PTPN12: variants seen among roughly 807,000 people sequenced by gnomAD.
The protein encoded by PTPN12 is tyrosine-protein phosphatase non-receptor type 12.
PTPN12 carries 29 observed loss-of-function variants against 97.6 expected under a neutral mutation model. The observed-to-expected ratio is 0.30, with a 90% CI of 0.22 to 0.41. The LOEUF (loss-of-function observed/expected upper bound fraction) is 0.41, where lower values mean the gene tolerates loss of function less well. Among genes scored for constraint, PTPN12 ranks in the 10% least tolerant of loss-of-function variants. The probability of loss-of-function intolerance (pLI) is 1.00; values close to 1 mark genes in which losing one functional copy is unlikely to be tolerated. For missense variants in PTPN12, 819 were observed against 926.0 expected (o/e 0.88, Z 1.50); for synonymous variants, 327 against 300.4 (o/e 1.09, Z -0.91).
intron 3 of PTPN12, among the ~76,000 whole-genome samples, chr7:77,581,821 C>T (rs780169078): frequency 3.3e-5 from 5 of 152,260 alleles, no homozygotes; most frequent in South Asian, 4.1e-4. Context: ...CATCAATCCC[C>T]GTTGTTGACC....
intron 13 of PTPN12, among the ~76,000 whole-genome samples, chr7:77,631,796 T>C (rs1286114667): frequency 2.0e-5 from 3 of 152,246 alleles, no homozygotes; most frequent in Admixed American, 6.5e-5. Flanking sequence ...TATCTTTATC[T>C]GTTTTGGAAA....
At chr7:77,550,004 C>A (rs1442141387) in intron 1 of PTPN12, among the ~76,000 whole-genome samples, 1 of 152,146 alleles carries the variant, frequency 6.6e-6, no homozygotes, top group Non-Finnish European at 1.5e-5. Flanking sequence ...TAAAATTATC[C>A]TAACTATAGT....
intron 1 of PTPN12, among the ~76,000 whole-genome samples, chr7:77,559,735 A>G (rs1807913692): frequency 6.6e-6 from 1 of 151,388 alleles, no homozygotes; most frequent in Non-Finnish European, 1.5e-5. Context: ...TTCACTGACT[A>G]TGTGATGTTC....
Position 77,605,409 on chromosome 7 carries a change from G to GGTTTTTT in PTPN12, c.696-1826_696-1825insGTTTTTT, listed in dbSNP as rs1554321255. Among the ~76,000 whole-genome samples the GGTTTTTT allele has an allele frequency of 5.9e-3, 566 of 95,514 alleles. 138 individuals are homozygous for GGTTTTTT. Among genetic ancestry groups the GGTTTTTT allele is most frequent in the South Asian group, 0.014 (39 of 2,874 alleles). The allele number at this position is 95,514 out of a possible 152,430, so 62.7% of individuals were successfully genotyped here. ...TTACTTTAAAATACTTTTGTCATGA[G>GGTTTTTT]TTTTTTTTTTTTTTTTTTTTTTTTT... On this transcript the variant is annotated intron_variant, in intron 8 of 17. Transcript: ENST00000248594.
Position 77,627,640 on chromosome 7 carries a change from A to G in PTPN12, c.1961A>G (p.Asn654Ser). Reference sequence around the variant, plus strand: ...TTGCCAATGTCCATTGCTAGACATAATATAGCAGGAACAACACATTCAGGT... The same window carrying G: ...TTGCCAATGTCCATTGCTAGACATAGTATAGCAGGAACAACACATTCAGGT... ...KVLPMSIARH[N>S]IAGTTHSGAE... The change falls in exon 13 of 18, where the codon AAT becomes AGT. Residue 654 changes from asparagine to serine, a missense_variant. Around this residue, in one of 5 missense-constraint regions of PTPN12, gnomAD observed 607 missense variants for 577.3 expected, o/e 1.05. Transcript: ENST00000248594. 6.3e-7 allele frequency: 1 copy of G among 1,597,298 alleles called. No individual in the cohort carries two copies. The highest frequency in any genetic ancestry group is 8.5e-7 in the Non-Finnish European group (1 of 1,172,344).
In PTPN12 at chr7:77,581,434, C is replaced by T. The variant is rs1787513138; in HGVS notation, c.216C>T (p.His72=). 1.2e-6 allele frequency: 2 copies of T among 1,604,326 alleles called. No homozygotes were observed. Among genetic ancestry groups the T allele is most frequent in the South Asian group, 1.1e-5 (1 of 89,632 alleles). Residue 72 remains histidine (H), a synonymous_variant, in exon 3 of 18, where the codon CAC becomes CAT. Transcript: ENST00000248594. ...NRYKDILPFD[H]SRVKLTLKTP... ...TGAATTTTTTTCTCGTAGTTGATCA[C>T]AGCCGAGTTAAATTGACATTAAAGA...
chr7:77,615,606 C>G (rs904739790), intron 11 of PTPN12, among the ~76,000 whole-genome samples: 1 of 152,012 alleles, frequency 6.6e-6, no homozygotes, highest in Non-Finnish European at 1.5e-5. Context: ...TTTTAATTAC[C>G]TGGGTATGGT....
rs529810409 is a variant in PTPN12, at chr7:77,562,122, C to T, written c.100-8956C>T. On this transcript the variant is annotated intron_variant, in intron 1 of 17. Transcript: ENST00000248594. ...AGGCTGGAGTGCAGTGGTGCAGTCT[C>T]GGCTCACTGCAACCTCTGCCTCCTG... Among the ~76,000 whole-genome samples, 6 of 152,192 alleles carry T rather than the reference C, an allele frequency of 3.9e-5. 1 individual carries two copies. The highest frequency in any genetic ancestry group is 9.6e-5 in the African/African-American group (4 of 41,528).
intron 5 of PTPN12, among the ~76,000 whole-genome samples, chr7:77,587,616 C>T (rs1787733437): frequency 6.6e-6 from 1 of 152,210 alleles, no homozygotes; most frequent in South Asian, 2.1e-4. Flanking sequence ...AACTTAATGT[C>T]ACCAGCTGCA....
At chr7:77,579,191 G>A (rs113479347) in intron 2 of PTPN12, among the ~76,000 whole-genome samples, 9 of 152,168 alleles carry the variant, frequency 5.9e-5, no homozygotes, top group South Asian at 2.1e-4. Flanking sequence ...GCGCGATCTC[G>A]GCTTACCACA....
chr7:77,638,496 A>T, intron 16 of PTPN12, 128 bp from the exon 17 acceptor site: 1 of 1,282,254 alleles, frequency 7.8e-7, no homozygotes, highest in Non-Finnish European at 1.0e-6. Flanking sequence ...CTTGACCTGT[A>T]AAATTATGGT....
intron 1 of PTPN12, among the ~76,000 whole-genome samples, chr7:77,566,005 G>T (rs1014116055): frequency 6.6e-6 from 1 of 152,180 alleles, no homozygotes; most frequent in African/African-American, 2.4e-5. Context: ...TTCACAAGTG[G>T]CAATAGAACA....
Position 77,627,678 on chromosome 7 carries a change from A to G in PTPN12, c.1996+3A>G, listed in dbSNP as rs1247948872. The G allele has an allele frequency of 1.9e-6, 3 of 1,554,822 alleles. No homozygotes were observed. Among genetic ancestry groups the G allele is most frequent in the Non-Finnish European group, 2.6e-6 (3 of 1,154,714 alleles). ...AACACATTCAGGTGCTGAAAAAGGT[A>G]ATAATATAGTGTCAAATACTTAAAT... On this transcript the variant is annotated splice_donor_region_variant and intron_variant, in intron 13 of 17. Coordinates refer to ENST00000248594, the MANE Select transcript of PTPN12 (RefSeq NM_002835.4).
chr7:77,568,566 A>G (rs187205515), intron 1 of PTPN12, among the ~76,000 whole-genome samples: 93 of 152,230 alleles, frequency 6.1e-4, no homozygotes, highest in African/African-American at 2.2e-3. Context: ...TCATTTGAAC[A>G]TGGGAGTTTG....
At chr7:77,624,507 T>G (rs1789064037) in intron 12 of PTPN12, among the ~76,000 whole-genome samples, 1 of 151,900 alleles carries the variant, frequency 6.6e-6, no homozygotes. Flanking sequence ...TGGCGTGATC[T>G]CAGCTCACTG....
intron 1 of PTPN12, among the ~76,000 whole-genome samples, chr7:77,541,887 G>A (rs529388475): frequency 6.6e-6 from 1 of 152,140 alleles, no homozygotes; most frequent in Admixed American, 6.5e-5. Context: ...TAATAAATTA[G>A]CAAATAGCTA....
intron 7 of PTPN12, among the ~76,000 whole-genome samples, chr7:77,599,341 C>T (rs1323266929): frequency 8.0e-6 from 1 of 125,122 alleles, no homozygotes; most frequent in Non-Finnish European, 1.6e-5. Flanking sequence ...TTTTTGGCAA[C>T]AGGGTCTCAC....
At chr7:77,552,652 G>A (rs1350254333) in intron 1 of PTPN12, among the ~76,000 whole-genome samples, 6 of 152,144 alleles carry the variant, frequency 3.9e-5, no homozygotes, top group Non-Finnish European at 7.4e-5. Context: ...GGGTGTAAAC[G>A]AAGGAATGTA....
At chr7:77,629,939 CAAAA>C (rs1168132976) in intron 13 of PTPN12, among the ~76,000 whole-genome samples, 4 of 98,878 alleles carry the variant, frequency 4.0e-5, no homozygotes, top group Non-Finnish European at 2.1e-5. Flanking sequence ...GACCCTGTCT[CAAAA>C]AAAAAAAAAA....
Sources: allele counts gnomAD v4.1 joint callset (sites outside exome capture counted in the v4.1 genomes callset), GRCh38; gene constraint gnomAD v4.1.1; regional missense constraint gnomAD v4.1.1; transcripts MANE v1.5; gene names NCBI Gene and HGNC (gene_info 2026-07-23, HGNC 2026-07-21).